MYBPC1: variants seen among roughly 807,000 people sequenced by gnomAD.
MYBPC1 encodes the protein myosin-binding protein C, slow-type.
MYBPC1 carries 52 observed loss-of-function variants against 147.1 expected under a neutral mutation model. That is an observed-to-expected ratio of 0.35 (90% CI 0.28 to 0.45). MYBPC1 has a LOEUF of 0.45. Ranked by LOEUF, MYBPC1 falls within the 20% of genes least tolerant of loss-of-function variation. MYBPC1 has a pLI of 1.00. For synonymous variants in MYBPC1, 477 were observed against 475.9 expected (o/e 1.00, Z -0.03); for missense variants, 1,228 against 1,440.3 (o/e 0.85, Z 2.39).
In MYBPC1 at chr12:101,667,757, A is replaced by G. The variant is rs1897755876; in HGVS notation, c.2382A>G (p.Lys794=). Residue 794 remains lysine (K), a synonymous_variant, in exon 23 of 32, where the codon AAA becomes AAG. Transcript: ENST00000361466. ...CTGAGGACTGGATAGTTGCAAACAA[A>G]GATCTGATTGACAAGACGAAGTTCA... ...EGTEDWIVAN[K]DLIDKTKFTI... is the part of the protein sequence containing the mutation. 2.5e-6 allele frequency: 4 copies of G among 1,614,072 alleles called. No homozygotes were observed. The highest frequency in any genetic ancestry group is 1.3e-5 in the African/African-American group (1 of 74,928).
downstream of MYBPC1, among the ~76,000 whole-genome samples, chr12:101,686,265 C>T (rs1308202442): frequency 6.6e-6 from 1 of 152,188 alleles, no homozygotes; most frequent in Non-Finnish European, 1.5e-5. Flanking sequence ...TGCATTCATG[C>T]ATTTAGGGTT....
At chr12:101,603,326 C>G (rs551543554) in intron 1 of MYBPC1, among the ~76,000 whole-genome samples, 42 of 149,826 alleles carry the variant, frequency 2.8e-4, no homozygotes, top group African/African-American at 1.0e-3. Flanking sequence ...ACCTGGGCAA[C>G]AAGAGTGAAA....
At chr12:101,678,363 T>G (rs1900512168) in intron 28 of MYBPC1, 125 bp downstream of exon 28, 1 of 1,330,620 alleles carries the variant, frequency 7.5e-7, no homozygotes, top group Non-Finnish European at 1.1e-6. Context: ...GATTAGAAGG[T>G]GGTAGTGGTG....
chr12:101,656,768 C>A (rs1267055823), intron 18 of MYBPC1, among the ~76,000 whole-genome samples: 1 of 152,084 alleles, frequency 6.6e-6, no homozygotes. Context: ...TTTGACATCC[C>A]TCTATCAGAA....
chr12:101,689,443 G>A (rs141060266), downstream of MYBPC1, among the ~76,000 whole-genome samples: 668 of 152,254 alleles, frequency 4.4e-3, 7 homozygotes, highest in Non-Finnish European at 4.1e-3. Context: ...ACCCAGTATG[G>A]TTCACTCAAG....
At chr12:101,648,376 G>A (rs556463293) in intron 14 of MYBPC1, among the ~76,000 whole-genome samples, 2 of 152,336 alleles carry the variant, frequency 1.3e-5, no homozygotes, top group South Asian at 4.1e-4. Context: ...ACGTAGGGAA[G>A]TGGGTACTTA....
intron 8 of MYBPC1, among the ~76,000 whole-genome samples, 198 bp from the exon 9 acceptor site, chr12:101,634,356 C>A (rs912231933): frequency 6.6e-6 from 1 of 152,074 alleles, no homozygotes; most frequent in East Asian, 1.9e-4. Flanking sequence ...ACAAGGTGAC[C>A]CCAAGGTCCC....
chr12:101,660,975 T>G (rs1302689166), intron 19 of MYBPC1, among the ~76,000 whole-genome samples, 183 bp from the exon 20 acceptor site: 1 of 152,172 alleles, frequency 6.6e-6, no homozygotes. Context: ...GAGCTACAGT[T>G]CAAGATGAGA....
At chr12:101,611,638 G>A (rs762378246) in intron 1 of MYBPC1, among the ~76,000 whole-genome samples, 1 of 152,134 alleles carries the variant, frequency 6.6e-6, no homozygotes, top group Non-Finnish European at 1.5e-5. Context: ...AAGAAAGGAA[G>A]GAAAGATCCC....
At chr12:101,653,694 A>G (rs11110925) in intron 18 of MYBPC1, among the ~76,000 whole-genome samples, 33,604 of 151,972 alleles carry the variant, frequency 0.22, 3,996 homozygotes, top group Middle Eastern at 0.35. Context: ...CAAACGGAAG[A>G]CATTTCCATA....
chr12:101,694,175 A>G, the MYBPC1 span, among the ~76,000 whole-genome samples: 1 of 152,162 alleles, frequency 6.6e-6, no homozygotes, highest in African/African-American at 2.4e-5. Context: ...AAAATTACCA[A>G]TACCTTTGAA....
intron 10 of MYBPC1, among the ~76,000 whole-genome samples, chr12:101,640,548 C>T (rs1203471568): frequency 2.0e-5 from 3 of 152,142 alleles, no homozygotes; most frequent in African/African-American, 2.4e-5. Context: ...TTTTAAGAGG[C>T]ACATTTTGCT....
At chr12:101,680,557 A>G (rs1215288749) in intron 29 of MYBPC1, 28 bp downstream of exon 29, 1 of 1,607,714 alleles carries the variant, frequency 6.2e-7, no homozygotes, top group African/African-American at 1.3e-5. Flanking sequence ...TCACGTATAG[A>G]CTAAAGTTAA....
rs1286945583 is a variant in MYBPC1, at chr12:101,646,763, A to G, written c.966A>G (p.Lys322=). The G allele has an allele frequency of 6.2e-6, 10 of 1,612,918 alleles. No individual in the cohort carries two copies. Among genetic ancestry groups the G allele is most frequent in the Admixed American group, 1.7e-5 (1 of 60,034 alleles). The change falls in exon 13 of 32, where the codon AAA becomes AAG. Residue 322 remains lysine (K), a splice_region_variant and synonymous_variant. Coordinates refer to ENST00000361466, the MANE Select transcript of MYBPC1 (RefSeq NM_002465.4). ...KNGQEIRPST[K]YIFEHKGCQR... is the part of the protein sequence containing the mutation. ...TTTATTTTCATCCTATTCAAAACAGATACATCTTTGAACACAAAGGATGCC... is the reference window on the plus strand; with the variant it reads ...TTTATTTTCATCCTATTCAAAACAGGTACATCTTTGAACACAAAGGATGCC...
At chr12:101,692,833 A>C in the MYBPC1 span, among the ~76,000 whole-genome samples, 1 of 152,192 alleles carries the variant, frequency 6.6e-6, no homozygotes, top group Admixed American at 6.5e-5. Flanking sequence ...ACATGGCTTT[A>C]GTATGTCTTG....
At chr12:101,628,994 C>T (rs1889246089) in intron 5 of MYBPC1, 2 of 239,148 alleles carry the variant, frequency 8.4e-6, no homozygotes, top group Admixed American at 5.1e-5. Context: ...GACAGTTTAC[C>T]CTCCAAATGA....
intron 26 of MYBPC1, 133 bp from the exon 27 acceptor site, chr12:101,677,102 C>A: frequency 2.5e-6 from 2 of 798,238 alleles, no homozygotes; most frequent in Non-Finnish European, 4.0e-6. Flanking sequence ...TATTATTACT[C>A]TCCATATAAA....
chr12:101,612,722 C>A (rs1191832829), intron 1 of MYBPC1, among the ~76,000 whole-genome samples: 1 of 152,176 alleles, frequency 6.6e-6, no homozygotes, highest in South Asian at 2.1e-4. Flanking sequence ...TGAAAGATAG[C>A]GTGTCAAAGA....
rs1201178607 is a variant in MYBPC1 at position 101,614,522 on chromosome 12, C to T, written c.52C>T (p.Pro18Ser). The T allele has an allele frequency of 1.9e-6, 3 of 1,613,630 alleles. No individual in the cohort carries two copies. Among genetic ancestry groups the T allele is most frequent in the Non-Finnish European group, 2.5e-6 (3 of 1,179,846 alleles). Residue 18 changes from proline (P) to serine (S), a missense_variant, in exon 2 of 32, where the codon CCC (proline) becomes TCC (serine). Pro to Ser is a moderately conservative substitution (Grantham distance 74). This residue lies in a region of MYBPC1 where 151 missense variants were observed against 126.1 expected (regional missense o/e 1.20). Coordinates refer to ENST00000361466, the MANE Select transcript of MYBPC1 (RefSeq NM_002465.4). ...AAATGAAGTGCCAGCCCCAGCCCCA[C>T]CCCCGGAAGGTGAGTAAAAACACTC... ...EENEVPAPAP[P>S]PEEPSKEKEA...
Sources: gnomAD v4.1 joint callset for allele counts (sites outside exome capture counted in the v4.1 genomes callset) on GRCh38, gnomAD v4.1.1 for gene constraint, gnomAD v4.1.1 regional missense constraint, MANE v1.5 for transcripts, NCBI Gene and HGNC (gene_info 2026-07-23, HGNC 2026-07-21) for gene names.